Variants in ZFP57 observed in about 807,000 individuals in gnomAD.
ZFP57 encodes the protein zinc finger protein 57 homolog.
Under a neutral mutation model 15.8 loss-of-function variants are expected in ZFP57, and 12 were observed. The observed-to-expected ratio is 0.76, with a 90% CI of 0.49 to 1.23. The LOEUF (loss-of-function observed/expected upper bound fraction) is 1.23, where lower values mean the gene tolerates loss of function less well. Ranked by LOEUF, ZFP57 falls within the 50% of genes most tolerant of loss-of-function variation. The pLI, the probability that ZFP57 is intolerant of heterozygous loss-of-function variation, is 0.00. For missense variants in ZFP57, 536 were observed against 654.9 expected, an observed-to-expected ratio of 0.82 and a Z score of 1.98; for synonymous variants, 203 against 242.3, an observed-to-expected ratio of 0.84 and a Z score of 1.51.
intron 1 of ZFP57, among the ~76,000 whole-genome samples, chr6:29,678,848 C>T (rs976272781): frequency 4.6e-5 from 7 of 152,300 alleles, no homozygotes; most frequent in Middle Eastern, 3.4e-3. Context: ...GCCTGGCCAA[C>T]ATGGTGAAAC....
chr6:29,673,098 C>T lies in ZFP57; in HGVS notation c.1013G>A (p.Gly338Asp). ...RSQEPIFRTE[G>D]PMAQNQASVL... ...AGATGCCTGGTTCTGGGCCATAGGA[C>T]CCTCAGTTCTAAATATGGGTTCCTG... is the stretch of plus-strand genomic sequence containing the variant. The change falls in exon 5 of 5, where the codon GGT becomes GAT. Residue 338 changes from glycine (G) to aspartate (D), a missense_variant. Physicochemically the swap from Gly to Asp is moderately conservative, Grantham distance 94. Coordinates refer to ENST00000376883, the MANE Select transcript of ZFP57 (RefSeq NM_001109809.5). The surrounding 1 kb of genome is among the most constrained non-coding windows in gnomAD (Gnocchi z 4.7). 1.9e-6 allele frequency: 3 copies of T among 1,612,936 alleles called. No individual in the cohort carries two copies. Among genetic ancestry groups the T allele is most frequent in the Non-Finnish European group, 1.7e-6 (2 of 1,180,018 alleles).
At chr6:29,676,726 G>A (rs976717954) in intron 2 of ZFP57, among the ~76,000 whole-genome samples, 155 bp downstream of exon 2, 3 of 152,000 alleles carry the variant, frequency 2.0e-5, no homozygotes, top group South Asian at 2.1e-4. Flanking sequence ...AGGATGGTGC[G>A]GGAGATGGAG....
At chr6:29,678,494 G>T (rs1772182082) in intron 1 of ZFP57, among the ~76,000 whole-genome samples, 1 of 152,158 alleles carries the variant, frequency 6.6e-6, no homozygotes, top group Admixed American at 6.5e-5. Flanking sequence ...ATTCAGATAT[G>T]CAAAGAGAAG....
Position 29,673,795 on chromosome 6 carries a change from G to T in ZFP57, c.353-37C>A. On this transcript the variant is annotated intron_variant, in intron 4 of 4. Coordinates refer to ENST00000376883, the MANE Select transcript of ZFP57 (RefSeq NM_001109809.5). The surrounding 1 kb of genome is among the most constrained non-coding windows in gnomAD (Gnocchi z 4.7). The stretch of plus-strand genomic sequence containing the variant: ...GAGGAAGAATAACACAAAATTCACT[G>T]TAAGAACTCCAACAGAGGCTTGGCA... The T allele has an allele frequency of 6.2e-7, 1 of 1,611,820 alleles. No individual in the cohort carries two copies. The highest frequency in any genetic ancestry group is 1.3e-5 in the African/African-American group (1 of 75,024).
Position 29,674,135 on chromosome 6 carries a change from GAGAAGGAGA to G in ZFP57, c.353-386_353-378del, listed in dbSNP as rs1289528191. On this transcript the variant is annotated intron_variant, in intron 4 of 4. Transcript: ENST00000376883. Reference sequence around the variant, plus strand: ...AAGAAAGAAAAAGAAGAAGAAGAAGGAGAAGGAGAAGAAGGAGAAGGAGAAGAGAAGGAG... The same window carrying G: ...AAGAAAGAAAAAGAAGAAGAAGAAGGAGAAGGAGAAGGAGAAGAGAAGGAG... Among the ~76,000 whole-genome samples, 6 of 146,500 alleles carry G rather than the reference GAGAAGGAGA, an allele frequency of 4.1e-5. No homozygotes were observed. In the Middle Eastern group the frequency reaches 0.011, roughly 267 times the overall value.
chr6:29,673,105 T>C lies in ZFP57; in HGVS notation c.1006A>G (p.Thr336Ala). The C allele has an allele frequency of 6.2e-7, 1 of 1,612,898 alleles. No individual in the cohort carries two copies. The highest frequency in any genetic ancestry group is 8.5e-7 in the Non-Finnish European group (1 of 1,180,006). Reference sequence around the variant, plus strand: ...TGGTTCTGGGCCATAGGACCCTCAGTTCTAAATATGGGTTCCTGGGACCTG... The same window carrying C: ...TGGTTCTGGGCCATAGGACCCTCAGCTCTAAATATGGGTTCCTGGGACCTG... Reference protein sequence around the residue: ...VARSQEPIFRTEGPMAQNQAS... With the variant: ...VARSQEPIFRAEGPMAQNQAS... Residue 336 changes from threonine (T) to alanine (A), a missense_variant, in exon 5 of 5, where the codon ACT becomes GCT. By Grantham distance (58) the Thr-to-Ala change is moderately conservative (BLOSUM62 0). Transcript: ENST00000376883. The surrounding 1 kb of genome is among the most constrained non-coding windows in gnomAD (Gnocchi z 4.7).
At chr6:29,674,026 G>T (rs1479334085) in intron 4 of ZFP57, among the ~76,000 whole-genome samples, 1 of 151,806 alleles carries the variant, frequency 6.6e-6, no homozygotes, top group African/African-American at 2.4e-5. Flanking sequence ...CCCGGGAGGC[G>T]GAGGTTGCAG....
chr6:29,676,560 A>AAAAAGAAAAAAAAT (rs1562226873), intron 2 of ZFP57, among the ~76,000 whole-genome samples: 1 of 144,326 alleles, frequency 6.9e-6, no homozygotes, highest in Non-Finnish European at 1.5e-5. Context: ...GAAAAAAAAA[A>AAAAAGAAAAAAAAT]AAAGGAAAGG....
At position 29,673,148 on chromosome 6, in the gene ZFP57, C is replaced by A. The variant is rs779308295; in HGVS notation, c.963G>T (p.Val321=). ...SQRSIQGLLD[V]NHAPVARSQE... ...GGGACCTGGCCACTGGTGCATGGTT[C>A]ACATCCAAAAGCCCCTGGATGGACC... The change falls in exon 5 of 5, where the codon GTG becomes GTT. Residue 321 remains valine (V), a synonymous_variant. Transcript: ENST00000376883. The surrounding 1 kb of genome is among the most constrained non-coding windows in gnomAD (Gnocchi z 4.7). 1 of 1,612,950 alleles carries A rather than the reference C, an allele frequency of 6.2e-7. No individual in the cohort carries two copies. The highest frequency in any genetic ancestry group is 8.5e-7 in the Non-Finnish European group (1 of 1,180,002).
chr6:29,674,119 AAAG>A (rs951170083), intron 4 of ZFP57, among the ~76,000 whole-genome samples: 9 of 151,222 alleles, frequency 6.0e-5, no homozygotes, highest in South Asian at 2.1e-4. Context: ...AAAGAAAGAA[AAAG>A]AAGAAGAAGA....
At position 29,673,393 on chromosome 6, in the gene ZFP57, A is replaced by T; in HGVS notation, c.718T>A (p.Tyr240Asn). 1 of 1,613,050 alleles carries T rather than the reference A, an allele frequency of 6.2e-7. No homozygotes were observed. The highest frequency in any genetic ancestry group is 8.5e-7 in the Non-Finnish European group (1 of 1,180,032). ...CGACTTAGTCCAGAAGCATCACAGT[A>T]GGTCTTGTCACAGAGCGTGCAACAG... ...PFCCTLCDKTYCDASGLSRHR... is the reference protein window; with the variant it reads ...PFCCTLCDKTNCDASGLSRHR... The change falls in exon 5 of 5, where the codon TAC becomes AAC. Residue 240 changes from tyrosine to asparagine, a missense_variant. Coordinates refer to ENST00000376883, the MANE Select transcript of ZFP57 (RefSeq NM_001109809.5). The surrounding 1 kb of genome is among the most constrained non-coding windows in gnomAD (Gnocchi z 4.7).
intron 1 of ZFP57, among the ~76,000 whole-genome samples, chr6:29,677,801 C>A (rs387603): frequency 0.069 from 8,025 of 116,012 alleles, 428 homozygotes; most frequent in African/African-American, 0.16. Context: ...ACACACAATT[C>A]TGTGATCTGG....
In ZFP57 at chr6:29,673,400, G is replaced by A. The variant is rs754408148; in HGVS notation, c.711C>T (p.Asp237=). 3 of 1,613,070 alleles carry A rather than the reference G, an allele frequency of 1.9e-6. No homozygotes were observed. Among genetic ancestry groups the A allele is most frequent in the Non-Finnish European group, 2.5e-6 (3 of 1,180,036 alleles). ...GERPFCCTLC[D]KTYCDASGLS... ...GTCCAGAAGCATCACAGTAGGTCTT[G>A]TCACAGAGCGTGCAACAGAAGGGCC... is the stretch of plus-strand genomic sequence containing the variant. Residue 237 remains aspartate, a synonymous_variant, in exon 5 of 5, where the codon GAC becomes GAT. Coordinates refer to ENST00000376883, the MANE Select transcript of ZFP57 (RefSeq NM_001109809.5). This position sits in a 1 kb window ranked among gnomAD's most constrained non-coding sequence, Gnocchi z 4.7.
Position 29,677,341 on chromosome 6 carries a change from G to C in ZFP57, c.-338C>G, listed in dbSNP as rs2747421. On this transcript the variant is annotated 5_prime_UTR_variant, in exon 2 of 5. Transcript: ENST00000376883. ...CACCAGCCTGGGCTAGGTGTCTGCC[G>C]TCTGTTCTACCCTGCTTCTAGAAAC... is the stretch of plus-strand genomic sequence containing the variant. The C allele has an allele frequency of 0.23, 93,570 of 406,790 alleles. 11,638 individuals are homozygous for C. The highest frequency in any genetic ancestry group is 0.33 in the East Asian group (6,172 of 18,742). The allele number at this position is 406,790 out of a possible 1,614,324, so 25.2% of individuals were successfully genotyped here. A position where few individuals can be genotyped will look rare whatever the true frequency, so the allele number is the denominator to read the frequency against.
rs61730326 is a variant in ZFP57 at position 29,673,025 on chromosome 6, A to G, written c.1086T>C (p.Thr362=). The part of the protein sequence containing the change: ...APVTRTQAPI[T]GTLCQDARSN... Reference sequence around the variant, plus strand: ...ATCTGGCATCCTGACAGAGGGTTCCAGTGATGGGTGCCTGGGTCCTGGTCA... The same window carrying G: ...ATCTGGCATCCTGACAGAGGGTTCCGGTGATGGGTGCCTGGGTCCTGGTCA... The change falls in exon 5 of 5, where the codon ACT becomes ACC. Residue 362 remains threonine (T), a synonymous_variant. Coordinates refer to ENST00000376883, the MANE Select transcript of ZFP57 (RefSeq NM_001109809.5). This position sits in a 1 kb window ranked among gnomAD's most constrained non-coding sequence, Gnocchi z 4.7. 3.5e-3 allele frequency: 5,724 copies of G among 1,613,078 alleles called. 25 individuals are homozygous for G. The highest frequency in any genetic ancestry group is 9.4e-3 in the African/African-American group (703 of 75,054).
At chr6:29,676,126 A>C in intron 2 of ZFP57, 67 bp from the exon 3 acceptor site, 1 of 747,302 alleles carries the variant, frequency 1.3e-6, no homozygotes, top group Non-Finnish European at 1.8e-6. Context: ...GTGTGTGTGT[A>C]CAAGATTAAC....
Position 29,673,759 on chromosome 6 carries a change from C to T in ZFP57, c.353-1G>A. On this transcript the variant is annotated splice_acceptor_variant, in intron 4 of 4. Coordinates refer to ENST00000376883, the MANE Select transcript of ZFP57 (RefSeq NM_001109809.5). LOFTEE classifies it high-confidence loss of function. The surrounding 1 kb of genome is among the most constrained non-coding windows in gnomAD (Gnocchi z 4.7). ...TCTCGAAGCTCTTTCTTCTTGCCTT[C>T]TACAGTGAATGAGGAAGAATAACAC... The T allele has an allele frequency of 6.2e-7, 1 of 1,612,958 alleles. No homozygotes were observed.
chr6:29,673,438 G>A lies in ZFP57; in HGVS notation c.673C>T (p.His225Tyr), dbSNP rs1237765445. Reference sequence around the variant, plus strand: ...CAACAGAAGGGCCTCTCCCCAAGATGCATGCGTCTGTGATAGCTGAGGGAC... The same window carrying A: ...CAACAGAAGGGCCTCTCCCCAAGATACATGCGTCTGTGATAGCTGAGGGAC... ...PKSLSYHRRM[H>Y]LGERPFCCTL... Residue 225 changes from histidine to tyrosine, a missense_variant, in exon 5 of 5, where the codon CAT (histidine) becomes TAT (tyrosine). His to Tyr is a moderately conservative substitution (Grantham distance 83). Coordinates refer to ENST00000376883, the MANE Select transcript of ZFP57 (RefSeq NM_001109809.5). This position sits in a 1 kb window ranked among gnomAD's most constrained non-coding sequence, Gnocchi z 4.7. 6.8e-6 allele frequency: 11 copies of A among 1,612,974 alleles called. No individual in the cohort carries two copies. Among genetic ancestry groups the A allele is most frequent in the African/African-American group, 1.3e-5 (1 of 74,918 alleles).
rs755803647 is a variant in ZFP57, at chr6:29,676,866, G to T, written c.123+15C>A. 1 of 1,613,954 alleles carries T rather than the reference G, an allele frequency of 6.2e-7. No homozygotes were observed. Among genetic ancestry groups the T allele is most frequent in the Non-Finnish European group, 8.5e-7 (1 of 1,179,960 alleles). ...AGGACCTGGACCCCACCTCTCTCTA[G>T]CTTAGTCTCCTCACCTTCTTCACCC... On this transcript the variant is annotated intron_variant, in intron 2 of 4. Coordinates refer to ENST00000376883, the MANE Select transcript of ZFP57 (RefSeq NM_001109809.5).
Sources: allele counts gnomAD v4.1 joint callset (sites outside exome capture counted in the v4.1 genomes callset), GRCh38; gene constraint gnomAD v4.1.1; non-coding constraint Gnocchi (gnomAD v3.1); transcripts MANE v1.5; gene names NCBI Gene and HGNC (gene_info 2026-07-23, HGNC 2026-07-21).